Variants in MICU1 observed in about 807,000 individuals in gnomAD.
The protein encoded by MICU1 is calcium uptake protein 1, mitochondrial.
Under a neutral mutation model 56.8 loss-of-function variants are expected in MICU1, and 45 were observed. The ratio of observed to expected loss-of-function variants is 0.79; its 90% CI spans 0.62 to 1.02. MICU1 has a LOEUF of 1.02. MICU1 is among the 50% of genes least tolerant of loss of function. The pLI is 0.00. For missense variants in MICU1, 504 were observed against 587.1 expected (o/e 0.86, Z 1.46); for synonymous variants, 186 against 195.1 (o/e 0.95, Z 0.39).
At chr10:72,610,738 T>C (rs780761796) in intron 1 of MICU1, among the ~76,000 whole-genome samples, 9 of 152,058 alleles carry the variant, frequency 5.9e-5, no homozygotes, top group African/African-American at 9.7e-5. Context: ...CCAAACCCTA[T>C]TGGATAACAA....
chr10:72,445,628 C>T (rs1204109973), intron 8 of MICU1, among the ~76,000 whole-genome samples: 1 of 152,160 alleles, frequency 6.6e-6, no homozygotes, highest in African/African-American at 2.4e-5. Context: ...CTTCTTGCAT[C>T]CATATCAAGG....
intron 4 of MICU1, among the ~76,000 whole-genome samples, chr10:72,546,458 A>ATCT (rs753043285): frequency 7.2e-5 from 11 of 152,168 alleles, no homozygotes; most frequent in South Asian, 2.1e-4. Context: ...CCGCTTCTGT[A>ATCT]TCTTACTTCC....
chr10:72,569,233 A>ATTTTT (rs1231227018), intron 1 of MICU1, among the ~76,000 whole-genome samples: 70 of 40,308 alleles, frequency 1.7e-3, no homozygotes, highest in African/African-American at 2.7e-3. Context: ...ATATATATAT[A>ATTTTT]TATATTTTTT....
chr10:72,510,308 A>G (rs1484624582), intron 5 of MICU1, among the ~76,000 whole-genome samples: 1 of 152,208 alleles, frequency 6.6e-6, no homozygotes, highest in Non-Finnish European at 1.5e-5. Context: ...AGATTAGTAT[A>G]AAGTACTATT....
At chr10:72,598,553 G>A (rs1314567516) in intron 1 of MICU1, among the ~76,000 whole-genome samples, 1 of 152,018 alleles carries the variant, frequency 6.6e-6, no homozygotes, top group East Asian at 1.9e-4. Context: ...ACCGTGCCGG[G>A]CCTCAAAATA....
At chr10:72,529,674 TAAAG>T (rs980410289) in intron 5 of MICU1, among the ~76,000 whole-genome samples, 3 of 151,786 alleles carry the variant, frequency 2.0e-5, no homozygotes, top group Non-Finnish European at 1.5e-5. Flanking sequence ...AATGGGAAAA[TAAAG>T]AAGGCTACAA....
At chr10:72,560,807 T>G (rs1246524688) in intron 3 of MICU1, among the ~76,000 whole-genome samples, 1 of 151,956 alleles carries the variant, frequency 6.6e-6, no homozygotes, top group Non-Finnish European at 1.5e-5. Flanking sequence ...GAGGCAGAGG[T>G]TGCAGTGAGC....
At chr10:72,464,253 A>T (rs959069708) in intron 8 of MICU1, among the ~76,000 whole-genome samples, 2 of 141,956 alleles carry the variant, frequency 1.4e-5, no homozygotes, top group Admixed American at 7.3e-5. Context: ...CCGAGATTGT[A>T]CCACTGCACT....
At chr10:72,428,786 ACAAT>A (rs1221976762) in intron 8 of MICU1, among the ~76,000 whole-genome samples, 1 of 152,208 alleles carries the variant, frequency 6.6e-6, no homozygotes, top group Non-Finnish European at 1.5e-5. Flanking sequence ...CAAGATAATA[ACAAT>A]CAGGAAATAT....
chr10:72,442,953 C>T (rs941665091), intron 8 of MICU1, among the ~76,000 whole-genome samples: 8 of 152,166 alleles, frequency 5.3e-5, no homozygotes, highest in South Asian at 2.1e-4. Context: ...GATGGTGTTT[C>T]GTCATGTTGG....
At chr10:72,407,172 A>G (rs1366808931) in intron 10 of MICU1, among the ~76,000 whole-genome samples, 2 of 152,194 alleles carry the variant, frequency 1.3e-5, no homozygotes, top group Non-Finnish European at 2.9e-5. Flanking sequence ...ATGAATCTTG[A>G]ACTTTAGTTA....
chr10:72,409,943 C>T (rs974600255), intron 9 of MICU1, among the ~76,000 whole-genome samples: 5 of 152,162 alleles, frequency 3.3e-5, no homozygotes, highest in Admixed American at 6.5e-5. Context: ...ATGTCCCTTC[C>T]TAATCATAAA....
chr10:72,374,806 A>G (rs943034392), intron 11 of MICU1, among the ~76,000 whole-genome samples: 1 of 112,276 alleles, frequency 8.9e-6, no homozygotes, highest in African/African-American at 3.9e-5. Flanking sequence ...ATCTACTATT[A>G]TCTTTTTTTT....
chr10:72,378,215 T>G (rs1459088691), intron 10 of MICU1, among the ~76,000 whole-genome samples: 8 of 152,176 alleles, frequency 5.3e-5, no homozygotes, highest in Non-Finnish European at 1.2e-4. Context: ...ACTGTGCCAC[T>G]GCACTCCAGC....
At chr10:72,398,585 A>G (rs1188232606) in intron 10 of MICU1, among the ~76,000 whole-genome samples, 9 of 152,320 alleles carry the variant, frequency 5.9e-5, no homozygotes, top group African/African-American at 2.2e-4. Flanking sequence ...AATCAAATAG[A>G]CACAGTAAGA....
At chr10:72,467,144 G>C (rs977676848) in intron 8 of MICU1, among the ~76,000 whole-genome samples, 1 of 151,858 alleles carries the variant, frequency 6.6e-6, no homozygotes, top group African/African-American at 2.4e-5. Context: ...GATTACAGGA[G>C]TATGCCACCA....
intron 1 of MICU1, among the ~76,000 whole-genome samples, chr10:72,617,492 C>A (rs1220070276): frequency 1.3e-5 from 2 of 152,098 alleles, no homozygotes; most frequent in Non-Finnish European, 2.9e-5. Context: ...TTATTACTCC[C>A]ATTTCACTGA....
Position 72,368,082 on chromosome 10 carries a change from C to A in MICU1, c.*113G>T, listed in dbSNP as rs1320072376. 8 of 1,169,516 alleles carry A rather than the reference C, an allele frequency of 6.8e-6. No homozygotes were observed. The highest frequency in any genetic ancestry group is 9.6e-6 in the Non-Finnish European group (8 of 835,230). 72.4% of individuals were successfully genotyped at this position (1,169,516 alleles called of 1,614,324 possible). On this transcript the variant is annotated 3_prime_UTR_variant, in exon 12 of 12. Transcript: ENST00000361114. ...AAACCGACAGAGTCCTGAGGTCATC[C>A]CGGGAGGAAGGGGGACTACTTCCAG...
Position 72,448,193 on chromosome 10 carries a change from A to ATATTT in MICU1, c.934-24823_934-24822insAAATA, listed in dbSNP as rs1172704084. ...TGTGTGTATATATATATATATATAT[A>ATATTT]TTTTTTTTTTTTTTTTTTTTTTTTG... On this transcript the variant is annotated intron_variant, in intron 8 of 11. Coordinates refer to ENST00000361114, the MANE Select transcript of MICU1 (RefSeq NM_001195518.2). 4.3e-3 allele frequency among the ~76,000 whole-genome samples: 157 copies of ATATTT among 36,826 alleles called. 2 individuals carry two copies. The highest frequency in any genetic ancestry group is 6.4e-3 in the Non-Finnish European group (136 of 21,206). 24.2% of individuals were successfully genotyped at this position (36,826 alleles called of 152,430 possible).
Sources: allele counts gnomAD v4.1 joint callset (sites outside exome capture counted in the v4.1 genomes callset), GRCh38; gene constraint gnomAD v4.1.1; transcripts MANE v1.5; gene names NCBI Gene and HGNC (gene_info 2026-07-23, HGNC 2026-07-21).